Variants in PDE4D observed in about 807,000 individuals in gnomAD.
PDE4D encodes the protein 3',5'-cyclic-AMP phosphodiesterase 4D.
PDE4D carries 24 observed loss-of-function variants against 87.4 expected under a neutral mutation model. The ratio of observed to expected loss-of-function variants is 0.27; its 90% CI spans 0.20 to 0.39. PDE4D has a LOEUF of 0.39. Among genes scored for constraint, PDE4D ranks in the 10% least tolerant of loss-of-function variants. The pLI, the probability that PDE4D is intolerant of heterozygous loss-of-function variation, is 1.00. For missense variants in PDE4D, 714 were observed against 1,041.0 expected (o/e 0.69, Z 4.32); for synonymous variants, 384 against 383.2 (o/e 1.00, Z -0.02).
At chr5:60,017,760 T>C (rs1765664702) in intron 2 of PDE4D, among the ~76,000 whole-genome samples, 1 of 152,172 alleles carries the variant, frequency 6.6e-6, no homozygotes, top group Non-Finnish European at 1.5e-5. Flanking sequence ...TGAACATACA[T>C]GTGCATGTAT....
intron 1 of PDE4D, among the ~76,000 whole-genome samples, chr5:59,885,029 A>G (rs1466650027): frequency 6.6e-6 from 1 of 151,952 alleles, no homozygotes; most frequent in African/African-American, 2.4e-5. Context: ...GAATGAAGTA[A>G]TGATCATTTT....
At chr5:60,175,161 T>C (rs576120651) in intron 2 of PDE4D, among the ~76,000 whole-genome samples, 2 of 152,224 alleles carry the variant, frequency 1.3e-5, no homozygotes, top group East Asian at 3.9e-4. Flanking sequence ...TAATTTCTAC[T>C]GACTTATTTT....
At chr5:59,708,389 T>C (rs1165387409) in intron 1 of PDE4D, among the ~76,000 whole-genome samples, 1 of 152,056 alleles carries the variant, frequency 6.6e-6, no homozygotes. Context: ...GCTGATTTTT[T>C]GAAAAAATTA....
intron 2 of PDE4D, among the ~76,000 whole-genome samples, chr5:60,151,311 C>T (rs1323375295): frequency 6.6e-6 from 1 of 152,098 alleles, no homozygotes; most frequent in African/African-American, 2.4e-5. Context: ...CACTTGGCTA[C>T]CATTTGAATT....
At position 60,460,134 on chromosome 5, in the gene PDE4D, C is replaced by T. The variant is rs1403616105; in HGVS notation, c.-90+27808G>A. 3.4e-5 allele frequency: 55 copies of T among 1,600,770 alleles called. No individual in the cohort carries two copies. The East Asian group carries it at 4.1e-4, about 12-fold the overall frequency. On this transcript the variant is annotated intron_variant, in intron 1 of 16. Transcript: ENST00000502484. ...AGAAGCTCTCTGGTTCCTCATGCTGCCTCTTCCTGCTGGCTTTATTCTGCA... is the reference window on the plus strand; with the variant it reads ...AGAAGCTCTCTGGTTCCTCATGCTGTCTCTTCCTGCTGGCTTTATTCTGCA...
intron 1 of PDE4D, among the ~76,000 whole-genome samples, chr5:60,228,159 G>A (rs187079335): frequency 3.9e-5 from 6 of 151,938 alleles, no homozygotes; most frequent in African/African-American, 1.2e-4. Context: ...GTACTCTCGT[G>A]GCACCCTATA....
chr5:59,814,403 G>A (rs1334108846), intron 1 of PDE4D, among the ~76,000 whole-genome samples: 1 of 152,194 alleles, frequency 6.6e-6, no homozygotes, highest in Admixed American at 6.5e-5. Context: ...GGATATGAAA[G>A]TGACAATGGT....
At chr5:59,275,927 A>C (rs1764708435) in intron 1 of PDE4D, 1 of 985,206 alleles carries the variant, frequency 1.0e-6, no homozygotes, top group South Asian at 4.7e-5. Flanking sequence ...GAAGTCAGCC[A>C]AGGAACAAAT....
At position 59,595,481 on chromosome 5, in the gene PDE4D, T is replaced by C. The variant is rs116316982; in HGVS notation, c.455+297687A>G. On this transcript the variant is annotated intron_variant, in intron 1 of 14. Transcript: ENST00000340635. Reference sequence around the variant, plus strand: ...TCCTCCCCTCCAGGAATAGTGGGTTTACCACCGATTTTTATGTTGTTGTAA... The same window carrying C: ...TCCTCCCCTCCAGGAATAGTGGGTTCACCACCGATTTTTATGTTGTTGTAA... Among the ~76,000 whole-genome samples the C allele has an allele frequency of 3.4e-3, 511 of 152,274 alleles. 6 individuals carry two copies. The highest frequency in any genetic ancestry group is 0.011 in the African/African-American group (473 of 41,548).
At chr5:59,363,994 C>T (rs1378837680) in intron 1 of PDE4D, among the ~76,000 whole-genome samples, 1 of 152,200 alleles carries the variant, frequency 6.6e-6, no homozygotes, top group Non-Finnish European at 1.5e-5. Flanking sequence ...AAAATCACAA[C>T]ACTTTTCAGT....
intron 1 of PDE4D, among the ~76,000 whole-genome samples, chr5:59,272,647 C>A (rs26709): frequency 0.34 from 52,075 of 151,818 alleles, 9,303 homozygotes; most frequent in Non-Finnish European, 0.38. Context: ...ATTAAATAAA[C>A]CCTAAATTTG....
At chr5:59,861,593 AGC>A (rs561189816) in intron 1 of PDE4D, among the ~76,000 whole-genome samples, 2 of 152,220 alleles carry the variant, frequency 1.3e-5, no homozygotes, top group Non-Finnish European at 2.9e-5. Context: ...GGAGAGGAGT[AGC>A]GCTCTACTTT....
At chr5:59,631,625 C>T (rs951749309) in intron 1 of PDE4D, among the ~76,000 whole-genome samples, 1 of 152,120 alleles carries the variant, frequency 6.6e-6, no homozygotes, top group Non-Finnish European at 1.5e-5. Context: ...GGCGTCTCCC[C>T]ACCTGGGAAG....
intron 1 of PDE4D, among the ~76,000 whole-genome samples, chr5:60,376,912 C>T (rs934683704): frequency 6.6e-6 from 1 of 152,184 alleles, no homozygotes; most frequent in Non-Finnish European, 1.5e-5. Context: ...AAATTGGAAC[C>T]CTTGATAGAG....
chr5:60,018,243 A>G (rs1183028936), intron 2 of PDE4D, among the ~76,000 whole-genome samples: 2 of 152,168 alleles, frequency 1.3e-5, no homozygotes, highest in Non-Finnish European at 2.9e-5. Context: ...CAGCCAAACT[A>G]AACTTCATAA....
intron 5 of PDE4D, among the ~76,000 whole-genome samples, chr5:59,149,723 TTTTTTTTC>T (rs1045822028): frequency 2.7e-5 from 4 of 148,896 alleles, no homozygotes; most frequent in African/African-American, 9.9e-5. Flanking sequence ...TTTTTTTTTT[TTTTTTTTC>T]GGTCAACAGA....
intron 1 of PDE4D, among the ~76,000 whole-genome samples, chr5:60,299,244 G>T (rs976364134): frequency 1.3e-5 from 2 of 151,924 alleles, no homozygotes; most frequent in African/African-American, 4.8e-5. Flanking sequence ...CAAAAGTAAT[G>T]GATAATCAAT....
intron 1 of PDE4D, among the ~76,000 whole-genome samples, chr5:60,359,269 A>C (rs545181667): frequency 6.6e-6 from 1 of 152,258 alleles, no homozygotes; most frequent in East Asian, 1.9e-4. Context: ...TTGGCCGGGC[A>C]TGGTGGCACA....
intron 1 of PDE4D, among the ~76,000 whole-genome samples, chr5:59,685,459 T>C (rs1280964105): frequency 6.6e-6 from 1 of 152,202 alleles, no homozygotes; most frequent in Non-Finnish European, 1.5e-5. Flanking sequence ...TGTCACTTTT[T>C]CTATTTGATA....
Sources: gnomAD v4.1 joint callset for allele counts (sites outside exome capture counted in the v4.1 genomes callset) on GRCh38, gnomAD v4.1.1 for gene constraint, MANE v1.5 for transcripts, NCBI Gene and HGNC (gene_info 2026-07-23, HGNC 2026-07-21) for gene names.